The following VGLL4 variants were observed in gnomAD, a reference collection of about 807,000 sequenced individuals.
VGLL4 encodes the protein vestigial like family member 4.
In VGLL4, 7 loss-of-function variants were observed where a neutral mutation model predicts 21.0. The ratio of observed to expected loss-of-function variants is 0.33; its 90% CI spans 0.19 to 0.63. The LOEUF is 0.63. VGLL4 is among the 20% of genes least tolerant of loss of function. The probability of loss-of-function intolerance (pLI) is 0.78; values close to 1 mark genes in which losing one functional copy is unlikely to be tolerated. For missense variants in VGLL4, 394 were observed against 425.7 expected (o/e 0.93, Z 0.66); for synonymous variants, 222 against 173.2 (o/e 1.28, Z -2.21).
chr3:11,558,454 T>TACCCCCC lies in VGLL4; in HGVS notation c.*101_*102insGGGGGGT. 1 of 1,064,154 alleles carries TACCCCCC rather than the reference T, an allele frequency of 9.4e-7. No homozygotes were observed. The highest frequency in any genetic ancestry group is 1.3e-6 in the Non-Finnish European group (1 of 775,578). The allele number at this position is 1,064,154 out of a possible 1,614,324, so 65.9% of individuals were successfully genotyped here. On this transcript the variant is annotated 3_prime_UTR_variant, in exon 5 of 5. Coordinates refer to ENST00000430365, the MANE Select transcript of VGLL4 (RefSeq NM_001128219.3). ...TTTGCAAATAAACCATCCCTTCCCTTCCCCCCACCCCACCCCCATGATTTT... is the reference window on the plus strand; with the variant it reads ...TTTGCAAATAAACCATCCCTTCCCTTACCCCCCCCCCCCACCCCACCCCCATGATTTT...
rs940325167 is a variant in VGLL4, at chr3:11,643,906, T to C, written c.-388A>G. ...CCGCTGCAAGCCGGCAGCGCTGACA[T>C]GAGGGCTATGCTTGGCATGACTCCT... On this transcript the variant is annotated 5_prime_UTR_variant, in exon 1 of 5. It removes an upstream start codon present in the reference 5' UTR. Transcript: ENST00000430365. 19 of 1,023,248 alleles carry C rather than the reference T, an allele frequency of 1.9e-5. No homozygotes were observed. The highest frequency in any genetic ancestry group is 5.4e-5 in the Admixed American group (1 of 18,666). 63.4% of individuals were successfully genotyped at this position (1,023,248 alleles called of 1,614,324 possible). A position where few individuals can be genotyped will look rare whatever the true frequency, so the allele number is the denominator to read the frequency against.
intron 1 of VGLL4, among the ~76,000 whole-genome samples, chr3:11,709,449 A>G (rs1003000657): frequency 7.6e-6 from 1 of 131,690 alleles, no homozygotes; most frequent in Non-Finnish European, 1.6e-5. Flanking sequence ...AAAAAAAAAA[A>G]AAAAAAAAAA....
upstream of VGLL4, chr3:11,721,100 C>G (rs2076989756): frequency 6.6e-6 from 1 of 152,266 alleles, no homozygotes; most frequent in South Asian, 2.1e-4. Flanking sequence ...AAACCTCAGT[C>G]ATTATTAGGA....
At chr3:11,620,397 C>T (rs1220249582) in intron 1 of VGLL4, among the ~76,000 whole-genome samples, 5 of 152,158 alleles carry the variant, frequency 3.3e-5, no homozygotes, top group Non-Finnish European at 1.5e-5. Flanking sequence ...AACAGCACAG[C>T]ACCCCTGAGC....
intron 2 of VGLL4, among the ~76,000 whole-genome samples, chr3:11,570,067 T>C (rs2125159930): frequency 6.6e-6 from 1 of 152,208 alleles, no homozygotes. Context: ...CTCCCAACCT[T>C]TACCTGCTGC....
intron 2 of VGLL4, among the ~76,000 whole-genome samples, chr3:11,681,457 G>C (rs1048079269): frequency 6.6e-6 from 1 of 152,188 alleles, no homozygotes; most frequent in Non-Finnish European, 1.5e-5. Flanking sequence ...AAGTAGGCTC[G>C]GCGTTGGGAG....
intron 1 of VGLL4, among the ~76,000 whole-genome samples, chr3:11,716,978 A>G (rs1383159734): frequency 6.6e-6 from 1 of 152,052 alleles, no homozygotes; most frequent in African/African-American, 2.4e-5. Context: ...TCACACACAC[A>G]AAAAACTTTC....
intron 1 of VGLL4, among the ~76,000 whole-genome samples, chr3:11,603,756 CG>C (rs968115993): frequency 3.3e-5 from 5 of 152,130 alleles, no homozygotes; most frequent in African/African-American, 1.2e-4. Flanking sequence ...CTTGGACCCC[CG>C]AACTGTGGTC....
intron 2 of VGLL4, among the ~76,000 whole-genome samples, chr3:11,656,711 A>C (rs915495800): frequency 1.3e-5 from 2 of 152,212 alleles, no homozygotes; most frequent in African/African-American, 4.8e-5. Flanking sequence ...CCAGGTAAGC[A>C]CTGGGAGTCA....
chr3:11,711,744 G>A (rs2076849911), intron 1 of VGLL4, among the ~76,000 whole-genome samples: 1 of 151,962 alleles, frequency 6.6e-6, no homozygotes, highest in Non-Finnish European at 1.5e-5. Context: ...GAATTTAGAG[G>A]TATTTACTGG....
intron 1 of VGLL4, among the ~76,000 whole-genome samples, chr3:11,609,697 G>A (rs778211071): frequency 1.2e-4 from 18 of 152,232 alleles, no homozygotes; most frequent in Non-Finnish European, 2.9e-5. Flanking sequence ...TCGGCCACAT[G>A]GCCCCTCACC....
chr3:11,671,265 G>A, intron 2 of VGLL4: 1 of 1,571,206 alleles, frequency 6.4e-7, no homozygotes, highest in Non-Finnish European at 8.6e-7. Context: ...TTTTTACCAT[G>A]GTGCAGACCT....
chr3:11,572,336 A>G (rs529652185), intron 2 of VGLL4, among the ~76,000 whole-genome samples: 2 of 152,276 alleles, frequency 1.3e-5, no homozygotes, highest in South Asian at 2.1e-4. Flanking sequence ...AACGATTCCA[A>G]TATATATTGG....
intron 1 of VGLL4, among the ~76,000 whole-genome samples, chr3:11,711,929 G>T (rs1051656842): frequency 6.6e-6 from 1 of 152,142 alleles, no homozygotes; most frequent in African/African-American, 2.4e-5. Flanking sequence ...GATTCTGGTG[G>T]CGACATGCAA....
intron 1 of VGLL4, among the ~76,000 whole-genome samples, chr3:11,634,732 C>T (rs902405099): frequency 6.6e-6 from 1 of 151,614 alleles, no homozygotes. Context: ...GGCCAGAGTG[C>T]GGTGGGATGA....
intron 3 of VGLL4, among the ~76,000 whole-genome samples, chr3:11,562,899 A>G (rs1223871455): frequency 6.6e-6 from 1 of 152,208 alleles, no homozygotes; most frequent in Admixed American, 6.5e-5. Flanking sequence ...CTCCTAGGAA[A>G]GCTGCTCAGG....
intron 2 of VGLL4, among the ~76,000 whole-genome samples, chr3:11,587,435 A>C (rs560625406): frequency 2.5e-4 from 38 of 152,360 alleles, no homozygotes; most frequent in African/African-American, 8.2e-4. Context: ...CTAAGACAAA[A>C]TGATGTGGTG....
rs1054317042 is a variant in VGLL4 at position 11,568,356 on chromosome 3, C to G, written c.273-3337G>C. ...AGGAAAGGGGTGCCAGGGCCGCCAG[C>G]TGCCAGGGCAGAGGTAAGGACGGGG... On this transcript the variant is annotated intron_variant, in intron 2 of 4. Transcript: ENST00000430365. This position sits in a 1 kb window ranked among gnomAD's most constrained non-coding sequence, Gnocchi z 5.9. Among the ~76,000 whole-genome samples, 1 of 152,220 alleles carries G rather than the reference C, an allele frequency of 6.6e-6. No homozygotes were observed. Among genetic ancestry groups the G allele is most frequent in the African/African-American group, 2.4e-5 (1 of 41,468 alleles).
intron 2 of VGLL4, among the ~76,000 whole-genome samples, chr3:11,585,915 C>T (rs995249285): frequency 6.6e-6 from 1 of 152,136 alleles, no homozygotes; most frequent in Non-Finnish European, 1.5e-5. Flanking sequence ...GGACAGGCGA[C>T]CCCCTGCCGT....
Sources: allele counts gnomAD v4.1 joint callset (sites outside exome capture counted in the v4.1 genomes callset), GRCh38; gene constraint gnomAD v4.1.1; non-coding constraint Gnocchi (gnomAD v3.1); transcripts MANE v1.5; gene names NCBI Gene and HGNC (gene_info 2026-07-23, HGNC 2026-07-21).